The following PROX1 variants were observed in gnomAD, a reference collection of about 807,000 sequenced individuals.
PROX1 encodes the protein prospero homeobox 1, also known as prospero homeobox protein 1.
PROX1 carries 7 observed loss-of-function variants against 58.8 expected under a neutral mutation model. The ratio of observed to expected loss-of-function variants is 0.12; its 90% CI spans 0.07 to 0.22. The LOEUF (loss-of-function observed/expected upper bound fraction) is 0.22, where lower values mean the gene tolerates loss of function less well. PROX1 is among the 10% of genes least tolerant of loss of function. PROX1 has a pLI of 1.00. For synonymous variants in PROX1, 350 were observed against 358.3 expected, an observed-to-expected ratio of 0.98 and a Z score of 0.26; for missense variants, 675 against 927.8, an observed-to-expected ratio of 0.73 and a Z score of 3.54.
At chr1:214,026,783 G>A (rs796390825) in intron 4 of PROX1, among the ~76,000 whole-genome samples, 5 of 152,278 alleles carry the variant, frequency 3.3e-5, no homozygotes, top group Middle Eastern at 3.4e-3. Flanking sequence ...AGAAGTCTGT[G>A]TGAGGGGTTT....
intron 4 of PROX1, among the ~76,000 whole-genome samples, chr1:214,014,900 C>G (rs1312437685): frequency 1.3e-5 from 2 of 152,164 alleles, no homozygotes; most frequent in Non-Finnish European, 2.9e-5. Context: ...TGATGGCTCT[C>G]AAGGCTGGAG....
intron 2 of PROX1, among the ~76,000 whole-genome samples, chr1:214,000,672 T>A (rs1444264337): frequency 6.6e-6 from 1 of 152,194 alleles, no homozygotes; most frequent in Non-Finnish European, 1.5e-5. Context: ...TTTATCTCAT[T>A]GGTATATTAT....
At chr1:213,984,324 C>T (rs1472411202), upstream of PROX1, 2 of 152,206 alleles carry the variant, frequency 1.3e-5, no homozygotes, top group East Asian at 3.9e-4. Context: ...GTGGCAGACT[C>T]TTATTTGGGA....
chr1:214,012,995 G>T (rs975900358), intron 4 of PROX1, among the ~76,000 whole-genome samples: 1 of 152,048 alleles, frequency 6.6e-6, no homozygotes, highest in Admixed American at 6.6e-5. Context: ...GGCTTATAAA[G>T]AATTGAATAT....
chr1:213,994,785 ATATATATATATATATAT>A (rs1558167599), intron 1 of PROX1, among the ~76,000 whole-genome samples: 5 of 104,376 alleles, frequency 4.8e-5, no homozygotes, highest in African/African-American at 2.0e-4. Flanking sequence ...ATATATATAT[ATATATATATATATATAT>A]AAAGAGGTAT....
In PROX1 at chr1:213,988,170, C is replaced by G. The variant is rs1263824177; in HGVS notation, c.-381C>G. The stretch of plus-strand genomic sequence containing the variant: ...TCCTCCTCTCCTGCTCTCTCCTCTT[C>G]CCTTAGCTCCTCTTCTTTTCTTCTC... On this transcript the variant is annotated 5_prime_UTR_variant, in exon 1 of 5. Coordinates refer to ENST00000366958, the MANE Select transcript of PROX1 (RefSeq NM_001270616.2). The G allele has an allele frequency of 1.3e-5, 2 of 152,530 alleles. No homozygotes were observed. The highest frequency in any genetic ancestry group is 2.9e-5 in the Non-Finnish European group (2 of 68,676). The allele number at this position is 152,530 out of a possible 1,614,324, so 9.4% of individuals were successfully genotyped here.
Position 213,997,600 on chromosome 1 carries a change from A to G in PROX1, c.1065A>G (p.Glu355=). 6.2e-7 allele frequency: 1 copy of G among 1,614,180 alleles called. No homozygotes were observed. Among genetic ancestry groups the G allele is most frequent in the South Asian group, 1.1e-5 (1 of 91,080 alleles). The part of the protein sequence containing the change: ...GKHLAETLKQ[E]LNTAMSQVVD... ...ATTTGGCTGAGACCTTGAAACAGGA[A>G]CTGAACACTGCCATGTCGCAAGTTG... is the stretch of plus-strand genomic sequence containing the variant. Residue 355 remains glutamate, a synonymous_variant, in exon 2 of 5, where the codon GAA becomes GAG. Coordinates refer to ENST00000366958, the MANE Select transcript of PROX1 (RefSeq NM_001270616.2). The surrounding 1 kb of genome is among the most constrained non-coding windows in gnomAD (Gnocchi z 7.1).
chr1:214,037,952 AT>A lies in PROX1; in HGVS notation c.*2120del, dbSNP rs1664882444. 6.6e-6 allele frequency: 1 copy of A among 152,190 alleles called. No individual in the cohort carries two copies. The highest frequency in any genetic ancestry group is 6.5e-5 in the Admixed American group (1 of 15,284). The allele number at this position is 152,190 out of a possible 1,614,324, so 9.4% of individuals were successfully genotyped here. ...CACTGGGTTTTTGCTGTTCCGTGTA[AT>A]TCATATCAACTTTGTGTTGCCATTT... is the stretch of plus-strand genomic sequence containing the variant. On this transcript the variant is annotated 3_prime_UTR_variant, in exon 5 of 5. Coordinates refer to ENST00000366958, the MANE Select transcript of PROX1 (RefSeq NM_001270616.2).
chr1:214,026,749 C>T (rs1369489516), intron 4 of PROX1, among the ~76,000 whole-genome samples: 1 of 152,152 alleles, frequency 6.6e-6, no homozygotes, highest in Non-Finnish European at 1.5e-5. Context: ...TGTATCTCTG[C>T]CCTTCATTCA....
At chr1:214,025,656 G>A (rs957329596) in intron 4 of PROX1, among the ~76,000 whole-genome samples, 4 of 147,354 alleles carry the variant, frequency 2.7e-5, no homozygotes, top group East Asian at 2.0e-4. Flanking sequence ...CCAAAATTCT[G>A]TGATTCCTTT....
At position 214,035,991 on chromosome 1, in the gene PROX1, AT is replaced by A; in HGVS notation, c.*161del. On this transcript the variant is annotated 3_prime_UTR_variant, in exon 5 of 5. Coordinates refer to ENST00000366958, the MANE Select transcript of PROX1 (RefSeq NM_001270616.2). ...AATTCCTCCTCATCACGTTTCTCTC[AT>A]TTTCTTTTGTTTTCCATTGCAAGGG... 1 of 614,284 alleles carries A rather than the reference AT, an allele frequency of 1.6e-6. No individual in the cohort carries two copies. Among genetic ancestry groups the A allele is most frequent in the East Asian group, 3.4e-5 (1 of 29,792 alleles). The allele number at this position is 614,284 out of a possible 1,614,324, so 38.1% of individuals were successfully genotyped here. A position where few individuals can be genotyped will look rare whatever the true frequency, so the allele number is the denominator to read the frequency against.
chr1:214,023,129 T>C (rs908025682), intron 4 of PROX1, among the ~76,000 whole-genome samples: 1 of 152,248 alleles, frequency 6.6e-6, no homozygotes, highest in African/African-American at 2.4e-5. Flanking sequence ...ATTGACTGAA[T>C]TGGCACTATC....
intron 3 of PROX1, among the ~76,000 whole-genome samples, chr1:214,007,076 G>T (rs917927738): frequency 6.6e-6 from 1 of 152,086 alleles, no homozygotes; most frequent in Non-Finnish European, 1.5e-5. Flanking sequence ...GCATGTGTGT[G>T]GTGTGTGGTG....
At chr1:214,011,036 G>A (rs1341095444) in intron 3 of PROX1, among the ~76,000 whole-genome samples, 2 of 151,954 alleles carry the variant, frequency 1.3e-5, no homozygotes, top group African/African-American at 4.8e-5. Context: ...AAGGCCATTT[G>A]TCTGCATTGA....
chr1:214,027,559 C>T (rs1414921168), intron 4 of PROX1, among the ~76,000 whole-genome samples: 1 of 152,024 alleles, frequency 6.6e-6, no homozygotes, highest in Non-Finnish European at 1.5e-5. Flanking sequence ...ATTTGAAAGC[C>T]AAGTCAATTC....
In PROX1 at chr1:214,025,822, C is replaced by T. The variant is rs539479082; in HGVS notation, c.2029-9827C>T. On this transcript the variant is annotated intron_variant, in intron 4 of 4. Transcript: ENST00000366958. ...GATTGCGGGCGCCAGCCACCACGCCCGGCTAATTTTTTTGTATTTCTAGTA... is the reference window on the plus strand; with the variant it reads ...GATTGCGGGCGCCAGCCACCACGCCTGGCTAATTTTTTTGTATTTCTAGTA... 8.2e-4 allele frequency among the ~76,000 whole-genome samples: 125 copies of T among 152,224 alleles called. 1 individual carries two copies. The highest frequency in any genetic ancestry group is 1.5e-3 in the Non-Finnish European group (102 of 68,010).
chr1:214,009,485 G>A (rs533270954), intron 3 of PROX1, among the ~76,000 whole-genome samples: 11 of 152,084 alleles, frequency 7.2e-5, no homozygotes, highest in Non-Finnish European at 1.6e-4. Flanking sequence ...GCTTTTAGCC[G>A]GCGACTAAAA....
At chr1:214,009,741 C>T (rs750439240) in intron 3 of PROX1, among the ~76,000 whole-genome samples, 5 of 152,068 alleles carry the variant, frequency 3.3e-5, no homozygotes, top group Non-Finnish European at 7.4e-5. Flanking sequence ...AAAAAAAATA[C>T]CCTTCTATTT....
In PROX1 at chr1:213,997,665, G is replaced by T. The variant is rs778287412; in HGVS notation, c.1130G>T (p.Arg377Leu). The change falls in exon 2 of 5, where the codon CGC (arginine) becomes CTC (leucine). Residue 377 changes from arginine (R) to leucine (L), a missense_variant. By Grantham distance (102) the Arg-to-Leu change is moderately radical. This residue lies in a region of PROX1 where 403 missense variants were observed against 477.4 expected (regional missense o/e 0.84). Coordinates refer to ENST00000366958, the MANE Select transcript of PROX1 (RefSeq NM_001270616.2). The surrounding 1 kb of genome is among the most constrained non-coding windows in gnomAD (Gnocchi z 7.1). ...VVKVFSAKPS[R>L]QVPQVFPPLQ... is the part of the protein sequence containing the mutation. The stretch of plus-strand genomic sequence containing the variant: ...AAAGTCTTTTCGGCCAAGCCCTCCC[G>T]CCAGGTTCCTCAGGTCTTCCCACCT... The T allele has an allele frequency of 1.2e-6, 2 of 1,614,018 alleles. No homozygotes were observed. The highest frequency in any genetic ancestry group is 8.5e-7 in the Non-Finnish European group (1 of 1,180,022).
Sources: allele counts gnomAD v4.1 joint callset (sites outside exome capture counted in the v4.1 genomes callset), GRCh38; gene constraint gnomAD v4.1.1; regional missense constraint gnomAD v4.1.1; non-coding constraint Gnocchi (gnomAD v3.1); transcripts MANE v1.5; gene names NCBI Gene and HGNC (gene_info 2026-07-23, HGNC 2026-07-21).